TLK1: variants seen among roughly 807,000 people sequenced by gnomAD.
The protein encoded by TLK1 is serine/threonine-protein kinase tousled-like 1.
A neutral mutation model predicts 105.3 loss-of-function variants in TLK1; 24 were observed. That is an observed-to-expected ratio of 0.23 (90% CI 0.17 to 0.32). The LOEUF (loss-of-function observed/expected upper bound fraction) is 0.32. TLK1 is among the 10% of genes least tolerant of loss of function. The probability of loss-of-function intolerance (pLI) is 1.00; values close to 1 mark genes in which losing one functional copy is unlikely to be tolerated. For synonymous variants in TLK1, 321 were observed against 310.4 expected (o/e 1.03, Z -0.36); for missense variants, 558 against 910.5 (o/e 0.61, Z 4.98).
At chr2:171,213,433 G>A (rs952689213) in intron 1 of TLK1, among the ~76,000 whole-genome samples, 6 of 151,592 alleles carry the variant, frequency 4.0e-5, no homozygotes, top group Admixed American at 2.6e-4. Flanking sequence ...GAATTCCTGG[G>A]CTCAAGCAGT....
At chr2:171,140,535 C>T (rs887911593) in intron 1 of TLK1, among the ~76,000 whole-genome samples, 4 of 152,268 alleles carry the variant, frequency 2.6e-5, no homozygotes, top group Non-Finnish European at 4.4e-5. Flanking sequence ...GAGCCTCCCC[C>T]AAACTCTGGG....
chr2:170,994,340 AT>A (rs1374107140), intron 20 of TLK1, among the ~76,000 whole-genome samples: 1 of 151,136 alleles, frequency 6.6e-6, no homozygotes, highest in Non-Finnish European at 1.5e-5. Flanking sequence ...TTCAACCATT[AT>A]TTTTTTTTCC....
At chr2:171,007,302 T>C (rs1043569768) in intron 14 of TLK1, among the ~76,000 whole-genome samples, 2 of 152,028 alleles carry the variant, frequency 1.3e-5, no homozygotes, top group African/African-American at 4.8e-5. Context: ...TTAAATTTTA[T>C]AAATGCCAAT....
chr2:171,018,500 T>A (rs957164661), intron 12 of TLK1, among the ~76,000 whole-genome samples: 3 of 152,234 alleles, frequency 2.0e-5, no homozygotes, highest in African/African-American at 7.2e-5. Context: ...TCCAAAGATC[T>A]ATCCAGTAGG....
chr2:171,034,610 C>T (rs10754976), intron 11 of TLK1, among the ~76,000 whole-genome samples: 142,103 of 152,220 alleles, frequency 0.93, 67,059 homozygotes, highest in East Asian at 1. Flanking sequence ...GATTACTTAA[C>T]GTGCACAGTG....
intron 19 of TLK1, among the ~76,000 whole-genome samples, chr2:170,997,296 T>C (rs969496534): frequency 6.6e-6 from 1 of 152,126 alleles, no homozygotes; most frequent in East Asian, 1.9e-4. Flanking sequence ...TAAAAAGAAG[T>C]TGGGAAATAA....
chr2:171,210,045 A>G (rs114950015), intron 1 of TLK1, among the ~76,000 whole-genome samples: 13 of 152,276 alleles, frequency 8.5e-5, no homozygotes, highest in African/African-American at 3.1e-4. Flanking sequence ...GTAAATCAAA[A>G]TACAGTGTCA....
At chr2:171,101,587 T>G (rs376371640) in intron 2 of TLK1, among the ~76,000 whole-genome samples, 10 of 152,290 alleles carry the variant, frequency 6.6e-5, no homozygotes, top group African/African-American at 2.4e-4. Flanking sequence ...AGTGAATACA[T>G]TAAAAACCAT....
chr2:171,161,746 C>T (rs1397853462), upstream of TLK1, among the ~76,000 whole-genome samples: 1 of 152,148 alleles, frequency 6.6e-6, no homozygotes, highest in Non-Finnish European at 1.5e-5. Flanking sequence ...CGCTGAGTCC[C>T]GACTACAAAA....
At chr2:171,065,488 A>G (rs913850417) in intron 3 of TLK1, among the ~76,000 whole-genome samples, 1 of 152,154 alleles carries the variant, frequency 6.6e-6, no homozygotes, top group Non-Finnish European at 1.5e-5. Context: ...TTTCTGACAG[A>G]TCCATTCAGC....
intron 3 of TLK1, among the ~76,000 whole-genome samples, chr2:171,076,665 C>A (rs13428121): frequency 0.043 from 6,512 of 150,474 alleles, 433 homozygotes; most frequent in African/African-American, 0.14. Context: ...TTTGGGAGGC[C>A]GAGGCGGGCG....
intron 1 of TLK1, among the ~76,000 whole-genome samples, chr2:171,223,173 A>T (rs1693839066): frequency 6.6e-6 from 1 of 152,196 alleles, no homozygotes; most frequent in Non-Finnish European, 1.5e-5. Context: ...CAGAAGTGGG[A>T]TTGCTGGATC....
chr2:171,190,815 T>C (rs1011109800), intron 1 of TLK1, among the ~76,000 whole-genome samples: 2 of 152,202 alleles, frequency 1.3e-5, no homozygotes, highest in Non-Finnish European at 2.9e-5. Flanking sequence ...GTTTTTAAAA[T>C]CTAATTTATT....
intron 11 of TLK1, among the ~76,000 whole-genome samples, chr2:171,029,799 G>T (rs1685952767): frequency 6.6e-6 from 1 of 152,062 alleles, no homozygotes; most frequent in South Asian, 2.1e-4. Context: ...AGGCTGGAGT[G>T]CAGTGGCCAC....
chr2:171,157,643 A>G (rs1354347454), intron 1 of TLK1, among the ~76,000 whole-genome samples: 1 of 152,236 alleles, frequency 6.6e-6, no homozygotes, highest in Non-Finnish European at 1.5e-5. Flanking sequence ...AAACAAAACT[A>G]CAACATACAG....
At chr2:171,141,508 A>G (rs1691572829) in intron 1 of TLK1, among the ~76,000 whole-genome samples, 1 of 152,168 alleles carries the variant, frequency 6.6e-6, no homozygotes, top group Non-Finnish European at 1.5e-5. Context: ...ATATCACAGT[A>G]AAACTGCTGA....
At position 171,095,965 on chromosome 2, in the gene TLK1, T is replaced by C. The variant is rs187865448; in HGVS notation, c.259-13113A>G. The stretch of plus-strand genomic sequence containing the variant: ...CCTCTAAGATCAGGAACAAGACAAG[T>C]AAGCCCATTCTCACCACTGCTATTC... On this transcript the variant is annotated intron_variant, in intron 2 of 20. Transcript: ENST00000431350. Among the ~76,000 whole-genome samples the C allele has an allele frequency of 4.1e-3, 622 of 151,906 alleles. 3 individuals are homozygous for C. Among genetic ancestry groups the C allele is most frequent in the African/African-American group, 0.014 (576 of 41,394 alleles).
chr2:170,999,112 T>C (rs1219373086), intron 18 of TLK1, among the ~76,000 whole-genome samples: 1 of 152,172 alleles, frequency 6.6e-6, no homozygotes. Context: ...ATTTGTCATC[T>C]CCAGTTATAA....
chr2:171,153,379 T>C (rs1342502365), intron 1 of TLK1, among the ~76,000 whole-genome samples: 1 of 152,240 alleles, frequency 6.6e-6, no homozygotes, highest in Non-Finnish European at 1.5e-5. Flanking sequence ...CTCTAAAATA[T>C]AGTTCACTTA....
Sources: gnomAD v4.1 joint callset for allele counts (sites outside exome capture counted in the v4.1 genomes callset) on GRCh38, gnomAD v4.1.1 for gene constraint, MANE v1.5 for transcripts, NCBI Gene and HGNC (gene_info 2026-07-23, HGNC 2026-07-21) for gene names.